XKR9: variants seen among roughly 807,000 people sequenced by gnomAD.
XKR9 encodes XK-related protein 9.
In XKR9, 32 loss-of-function variants were observed where a neutral mutation model predicts 32.0. The observed-to-expected ratio is 1.00, with a 90% CI of 0.76 to 1.34. The LOEUF (loss-of-function observed/expected upper bound fraction) is 1.34, where lower values mean the gene tolerates loss of function less well. XKR9 is among the 40% of genes most tolerant of loss of function. The probability of loss-of-function intolerance (pLI) is 0.00; values close to 1 mark genes in which losing one functional copy is unlikely to be tolerated. For synonymous variants in XKR9, 168 were observed against 143.4 expected, an observed-to-expected ratio of 1.17 and a Z score of -1.22; for missense variants, 546 against 429.7, an observed-to-expected ratio of 1.27 and a Z score of -2.39.
chr8:70,921,150 T>C, the XKR9 span, among the ~76,000 whole-genome samples: 1 of 152,248 alleles, frequency 6.6e-6, no homozygotes, highest in South Asian at 2.1e-4. Context: ...CATATGAAAA[T>C]GGAAGGATGT....
the XKR9 span, among the ~76,000 whole-genome samples, chr8:70,997,932 A>G: frequency 6.6e-6 from 1 of 152,226 alleles, no homozygotes; most frequent in South Asian, 2.1e-4. Context: ...TAGGAAATAT[A>G]TTTTAGGCCA....
the XKR9 span, among the ~76,000 whole-genome samples, chr8:70,819,810 C>G: frequency 2.6e-5 from 4 of 152,258 alleles, no homozygotes; most frequent in South Asian, 2.1e-4. Context: ...TAGGGCCACA[C>G]CTGTTTGCAG....
chr8:70,966,337 G>A, the XKR9 span, among the ~76,000 whole-genome samples: 4 of 151,840 alleles, frequency 2.6e-5, no homozygotes, highest in East Asian at 1.9e-4. Context: ...CAACTTCTGC[G>A]TCCTGGGTTC....
chr8:71,037,867 T>C, the XKR9 span, among the ~76,000 whole-genome samples: 1 of 152,190 alleles, frequency 6.6e-6, no homozygotes, highest in Non-Finnish European at 1.5e-5. Flanking sequence ...CTGGATAGAT[T>C]TGAAGCTCAA....
intron 2 of XKR9, among the ~76,000 whole-genome samples, chr8:70,746,886 G>T (rs1296913135): frequency 1.3e-5 from 2 of 152,008 alleles, no homozygotes; most frequent in South Asian, 2.1e-4. Context: ...CATAGTACAC[G>T]ATGGGTAAAT....
At chr8:70,883,114 G>A in the XKR9 span, among the ~76,000 whole-genome samples, 1 of 151,564 alleles carries the variant, frequency 6.6e-6, no homozygotes, top group Admixed American at 6.6e-5. Context: ...GTATTCTTTT[G>A]TTCCTCACCC....
chr8:70,728,040 G>A (rs1023371671), intron 4 of XKR9, among the ~76,000 whole-genome samples: 15 of 152,120 alleles, frequency 9.9e-5, no homozygotes. Flanking sequence ...CTAATCTCCA[G>A]GCAAGAAAGA....
At chr8:70,796,803 T>C in the XKR9 span, among the ~76,000 whole-genome samples, 4 of 152,220 alleles carry the variant, frequency 2.6e-5, no homozygotes, top group African/African-American at 9.6e-5. Context: ...TAGTAACCAC[T>C]TAATACATAT....
chr8:70,876,497 T>C, the XKR9 span, among the ~76,000 whole-genome samples: 1 of 152,148 alleles, frequency 6.6e-6, no homozygotes, highest in African/African-American at 2.4e-5. Context: ...TAGAATTGAC[T>C]TTTGGTTTAA....
the XKR9 span, among the ~76,000 whole-genome samples, chr8:70,841,309 TA>T: frequency 1.3e-5 from 2 of 150,514 alleles, no homozygotes; most frequent in Admixed American, 1.3e-4. Context: ...AAGAAATAAT[TA>T]ATCAGATTTC....
chr8:70,920,039 TA>T, the XKR9 span, among the ~76,000 whole-genome samples: 221 of 152,324 alleles, frequency 1.5e-3, 1 homozygote, highest in African/African-American at 5.1e-3. Flanking sequence ...TAGTTACTTA[TA>T]AAATCTCTGC....
the XKR9 span, among the ~76,000 whole-genome samples, chr8:70,864,046 C>A: frequency 1.3e-5 from 2 of 152,248 alleles, no homozygotes; most frequent in East Asian, 1.9e-4. Context: ...TTAATACTTA[C>A]ACTTTAGCTT....
At chr8:70,790,229 A>T (rs1376105236) in exon 4 of XKR9, 1 of 152,002 alleles carries the variant, frequency 6.6e-6, no homozygotes, top group Non-Finnish European at 1.5e-5. Context: ...AGACCTGTAC[A>T]CTACTGTGAT....
At chr8:70,809,091 A>T in the XKR9 span, among the ~76,000 whole-genome samples, 1 of 152,182 alleles carries the variant, frequency 6.6e-6, no homozygotes, top group East Asian at 1.9e-4. Context: ...CTCCTCTGAG[A>T]CAAAACTTCC....
the XKR9 span, among the ~76,000 whole-genome samples, chr8:71,041,009 T>A: frequency 1.3e-5 from 2 of 152,184 alleles, no homozygotes; most frequent in Non-Finnish European, 2.9e-5. Flanking sequence ...TTAATACTGC[T>A]TGATATATGA....
At chr8:70,883,364 T>A in the XKR9 span, among the ~76,000 whole-genome samples, 47 of 152,260 alleles carry the variant, frequency 3.1e-4, 1 homozygote, top group Middle Eastern at 3.4e-3. Flanking sequence ...CATTTTTTTT[T>A]AATCTACTTG....
chr8:70,700,716 T>C (rs1805493411), intron 3 of XKR9, among the ~76,000 whole-genome samples: 2 of 152,314 alleles, frequency 1.3e-5, no homozygotes, highest in African/African-American at 4.8e-5. Flanking sequence ...TCTTCAAAGC[T>C]GTCAGACAGG....
the XKR9 span, among the ~76,000 whole-genome samples, chr8:71,005,456 T>A: frequency 6.6e-6 from 1 of 152,026 alleles, no homozygotes; most frequent in East Asian, 1.9e-4. Context: ...ATGCCTGACC[T>A]CAGGTGATTC....
At chr8:70,939,746 A>G in the XKR9 span, among the ~76,000 whole-genome samples, 2 of 152,038 alleles carry the variant, frequency 1.3e-5, no homozygotes, top group African/African-American at 4.8e-5. Flanking sequence ...TTTGTGCTAA[A>G]GGCTGGAAAT....
Sources: allele counts gnomAD v4.1 joint callset (sites outside exome capture counted in the v4.1 genomes callset), GRCh38; gene constraint gnomAD v4.1.1; transcripts MANE v1.5; gene names NCBI Gene and HGNC (gene_info 2026-07-23, HGNC 2026-07-21).